The following NEGR1 variants were observed in gnomAD, a reference collection of about 807,000 sequenced individuals.
NEGR1 encodes IgLON family member 4.
NEGR1 carries 10 observed loss-of-function variants against 40.9 expected under a neutral mutation model. The observed-to-expected ratio is 0.24, with a 90% CI of 0.15 to 0.42. The LOEUF (loss-of-function observed/expected upper bound fraction) is 0.42. Ranked by LOEUF, NEGR1 falls within the 10% of genes least tolerant of loss-of-function variation. The probability of loss-of-function intolerance (pLI) is 1.00; values close to 1 mark genes in which losing one functional copy is unlikely to be tolerated. For missense variants in NEGR1, 352 were observed against 438.9 expected, an observed-to-expected ratio of 0.80 and a Z score of 1.77; for synonymous variants, 185 against 166.8, an observed-to-expected ratio of 1.11 and a Z score of -0.84.
In NEGR1 at chr1:71,698,020, C is replaced by G. The variant is rs1263222041; in HGVS notation, c.655G>C (p.Val219Leu). ...TGATGACACTTACAGTTGACAACAA[C>G]TTTTACTTTCCTCACATCTGGGAAT... is the stretch of plus-strand genomic sequence containing the variant. ...VSFPDVRKVK[V>L]VVNFAPTIQE... Residue 219 changes from valine to leucine, a missense_variant, in exon 4 of 7, where the codon GTT becomes CTT. Around this residue, in one of 5 missense-constraint regions of NEGR1, gnomAD observed 184 missense variants for 208.7 expected, o/e 0.88. Transcript: ENST00000357731. The G allele has an allele frequency of 2.5e-6, 4 of 1,611,128 alleles. No individual in the cohort carries two copies. Among genetic ancestry groups the G allele is most frequent in the Non-Finnish European group, 3.4e-6 (4 of 1,178,046 alleles).
intron 1 of NEGR1, among the ~76,000 whole-genome samples, chr1:71,946,220 C>A (rs371764259): frequency 2.6e-5 from 4 of 152,176 alleles, no homozygotes; most frequent in African/African-American, 9.6e-5. Context: ...AGGTGCATGC[C>A]ACCATGCCTG....
intron 1 of NEGR1, among the ~76,000 whole-genome samples, chr1:72,005,902 A>C (rs1008680354): frequency 7.9e-5 from 12 of 152,158 alleles, no homozygotes; most frequent in African/African-American, 2.4e-4. Context: ...GTATACAATA[A>C]TGTTAAATAT....
Position 71,706,743 on chromosome 1 carries a change from T to A in NEGR1, c.536-8604A>T, listed in dbSNP as rs116118706. Among the ~76,000 whole-genome samples, 304 of 151,864 alleles carry A rather than the reference T, an allele frequency of 2.0e-3. 1 individual carries two copies. The highest frequency in any genetic ancestry group is 7.0e-3 in the African/African-American group (290 of 41,404). ...CCAGATGACATTTCTAGACACACCC[T>A]GTGTCAGAAGGAAACCCACTGCCTT... On this transcript the variant is annotated intron_variant, in intron 3 of 6. Transcript: ENST00000357731.
At chr1:71,728,440 G>A (rs1486409547) in intron 3 of NEGR1, among the ~76,000 whole-genome samples, 2 of 152,056 alleles carry the variant, frequency 1.3e-5, no homozygotes, top group Admixed American at 1.3e-4. Context: ...CCCATCTCAT[G>A]ACAAACTGAA....
In NEGR1 at chr1:72,061,286, T is replaced by C. The variant is rs535856885; in HGVS notation, c.177-125975A>G. 3.3e-5 allele frequency among the ~76,000 whole-genome samples: 5 copies of C among 151,938 alleles called. No individual in the cohort carries two copies. In the South Asian group the frequency reaches 1.0e-3, roughly 32 times the overall value. ...GTGACCTAATTAACATCTGACTGTA[T>C]TGATGGTCTAACACAATATCATCTG... On this transcript the variant is annotated intron_variant, in intron 1 of 6. Coordinates refer to ENST00000357731, the MANE Select transcript of NEGR1 (RefSeq NM_173808.3).
intron 6 of NEGR1, among the ~76,000 whole-genome samples, chr1:71,459,899 T>C (rs1171890244): frequency 6.6e-6 from 1 of 152,188 alleles, no homozygotes; most frequent in Non-Finnish European, 1.5e-5. Context: ...AATACCCAAA[T>C]GGGTCAAATA....
intron 2 of NEGR1, among the ~76,000 whole-genome samples, chr1:71,880,142 G>A (rs631296): frequency 0.042 from 6,367 of 151,974 alleles, 268 homozygotes; most frequent in African/African-American, 0.11. Flanking sequence ...AGATATTTAA[G>A]GCCTTATATT....
intron 4 of NEGR1, among the ~76,000 whole-genome samples, chr1:71,637,840 T>C (rs1651209044): frequency 6.6e-6 from 1 of 152,032 alleles, no homozygotes; most frequent in African/African-American, 2.4e-5. Flanking sequence ...CTGGGCATTA[T>C]GAATGCAATC....
At chr1:72,048,769 T>C (rs1345081055) in intron 1 of NEGR1, among the ~76,000 whole-genome samples, 1 of 151,714 alleles carries the variant, frequency 6.6e-6, no homozygotes, top group Non-Finnish European at 1.5e-5. Context: ...CTTAGTTCTT[T>C]TCTGCCTTTA....
chr1:72,062,410 G>A (rs942409708), intron 1 of NEGR1, among the ~76,000 whole-genome samples: 9 of 151,942 alleles, frequency 5.9e-5, no homozygotes, highest in African/African-American at 2.2e-4. Context: ...ATATTCCTTA[G>A]GTGCTATATC....
chr1:72,121,858 T>C (rs1311866631), intron 1 of NEGR1, among the ~76,000 whole-genome samples: 2 of 151,980 alleles, frequency 1.3e-5, no homozygotes, highest in Non-Finnish European at 2.9e-5. Flanking sequence ...TTACTGATCA[T>C]CTTTTTTTAA....
At chr1:71,770,489 AT>A (rs756650059) in intron 3 of NEGR1, among the ~76,000 whole-genome samples, 85 of 152,356 alleles carry the variant, frequency 5.6e-4, no homozygotes, top group Non-Finnish European at 1.1e-3. Flanking sequence ...TTAAAGCAAA[AT>A]GTAATGATTC....
At chr1:72,218,344 G>A (rs1030116790) in intron 1 of NEGR1, among the ~76,000 whole-genome samples, 5 of 151,660 alleles carry the variant, frequency 3.3e-5, no homozygotes, top group East Asian at 1.9e-4. Context: ...AGGTTATGAC[G>A]TAACTACTTT....
At chr1:71,436,389 A>C (rs1422700946) in intron 6 of NEGR1, among the ~76,000 whole-genome samples, 4 of 152,170 alleles carry the variant, frequency 2.6e-5, no homozygotes, top group Non-Finnish European at 1.5e-5. Context: ...GATGCAGATG[A>C]ATCAGTGCCA....
intron 6 of NEGR1, among the ~76,000 whole-genome samples, chr1:71,446,423 C>T (rs1015783994): frequency 5.9e-5 from 9 of 152,096 alleles, no homozygotes; most frequent in African/African-American, 2.2e-4. Context: ...AAACAAGCCT[C>T]TACAATTATT....
chr1:71,654,618 T>A (rs1045792832), intron 4 of NEGR1, among the ~76,000 whole-genome samples: 1 of 152,116 alleles, frequency 6.6e-6, no homozygotes. Context: ...CCTGAACATA[T>A]TCATTGGGGT....
chr1:71,702,454 T>C (rs1653728540), intron 3 of NEGR1, among the ~76,000 whole-genome samples: 1 of 151,966 alleles, frequency 6.6e-6, no homozygotes, highest in Non-Finnish European at 1.5e-5. Flanking sequence ...TAGGAGTAGG[T>C]AGAAGTGACT....
intron 4 of NEGR1, among the ~76,000 whole-genome samples, chr1:71,624,002 T>C (rs1484431671): frequency 6.6e-6 from 1 of 151,922 alleles, no homozygotes; most frequent in East Asian, 1.9e-4. Context: ...CCTTCCTTTT[T>C]TGCTCAGGAA....
At chr1:71,471,221 C>T (rs192780398) in intron 6 of NEGR1, among the ~76,000 whole-genome samples, 1 of 152,134 alleles carries the variant, frequency 6.6e-6, no homozygotes, top group Middle Eastern at 3.2e-3. Context: ...CACATCAGCT[C>T]TTCAGTAAAA....
Sources: allele counts gnomAD v4.1 joint callset (sites outside exome capture counted in the v4.1 genomes callset), GRCh38; gene constraint gnomAD v4.1.1; regional missense constraint gnomAD v4.1.1; transcripts MANE v1.5; gene names NCBI Gene and HGNC (gene_info 2026-07-23, HGNC 2026-07-21).